MBNL3: variants seen among roughly 807,000 people sequenced by gnomAD.
MBNL3 encodes the protein muscleblind like splicing regulator 3, also known as muscleblind-like protein 3.
MBNL3 carries 6 observed loss-of-function variants against 24.5 expected under a neutral mutation model. The ratio of observed to expected loss-of-function variants is 0.25; its 90% CI spans 0.13 to 0.48. The LOEUF (loss-of-function observed/expected upper bound fraction) is 0.48, where lower values mean the gene tolerates loss of function less well. Ranked by LOEUF, MBNL3 falls within the 20% of genes least tolerant of loss-of-function variation. The pLI is 0.99. For missense variants in MBNL3, 230 were observed against 293.5 expected (o/e 0.78, Z 1.58); for synonymous variants, 100 against 101.7 (o/e 0.98, Z 0.10).
chrX:132,479,481 TA>T (rs1157006419), intron 1 of MBNL3, among the ~76,000 whole-genome samples: 1 of 112,220 alleles, frequency 8.9e-6, no homozygotes, highest in Non-Finnish European at 1.9e-5. Context: ...TTGAAATATA[TA>T]TTTTTTTGTT....
rs1603098932 is a variant in MBNL3, at chrX:132,392,230, T to G, written c.447A>C (p.Pro149=). 8.3e-7 allele frequency: 1 copy of G among 1,208,576 alleles called. No individual in the cohort carries two copies. Among genetic ancestry groups the G allele is most frequent in the East Asian group, 3.0e-5 (1 of 33,736 alleles). The change falls in exon 4 of 9, where the codon CCA becomes CCC. Residue 149 remains proline, a synonymous_variant. Transcript: ENST00000370853. ...TTCCAGGAATCAGAACAGGTGTATT[T>G]GGTACAAGTTCTGCAGGAACGAGGC... is the stretch of plus-strand genomic sequence containing the variant. ...GMGLVPAELV[P]NTPVLIPGNP... is the part of the protein sequence containing the mutation.
chrX:132,407,505 A>G (rs1377479408), intron 2 of MBNL3, among the ~76,000 whole-genome samples: 1 of 112,495 alleles, frequency 8.9e-6, no homozygotes, highest in Non-Finnish European at 1.9e-5. Flanking sequence ...AGTTTTATGT[A>G]CTTTTATATT....
At chrX:132,386,526 A>G in intron 6 of MBNL3, 135 bp downstream of exon 6, 1 of 701,988 alleles carries the variant, frequency 1.4e-6, no homozygotes, top group Non-Finnish European at 2.0e-6. Context: ...GCAGATAAGC[A>G]TAACTTCCTT....
intron 3 of MBNL3, among the ~76,000 whole-genome samples, chrX:132,400,948 A>G (rs952650548): frequency 5.4e-5 from 6 of 111,994 alleles, no homozygotes; most frequent in Non-Finnish European, 9.4e-5. Context: ...TTTTGCAAAA[A>G]TCATTTACAA....
At chrX:132,393,371 T>TA (rs765283254) in intron 3 of MBNL3, among the ~76,000 whole-genome samples, 3,853 of 96,598 alleles carry the variant, frequency 0.04, 127 homozygotes, top group African/African-American at 0.1. Context: ...GAGTAACTTG[T>TA]AAAAAAAAAA....
rs1022666583 is a variant in MBNL3, at chrX:132,449,989, C to A, written c.-703-9675G>T. ...AATGCTGAATATTGCCCCCCCCCCCCCCCCGCCACTTCTGGCTTGTAGGGT... is the reference window on the plus strand; with the variant it reads ...AATGCTGAATATTGCCCCCCCCCCCACCCCGCCACTTCTGGCTTGTAGGGT... On this transcript the variant is annotated intron_variant, in intron 1 of 8. Coordinates refer to ENST00000370853, the MANE Select transcript of MBNL3 (RefSeq NM_001386889.1). Among the ~76,000 whole-genome samples, 23 of 75,959 alleles carry A rather than the reference C, an allele frequency of 3.0e-4. 1 individual carries two copies. The highest frequency in any genetic ancestry group is 2.6e-3 in the South Asian group (3 of 1,175). The allele number at this position is 75,959 out of a possible 115,157, so 66.0% of individuals were successfully genotyped here.
intron 1 of MBNL3, among the ~76,000 whole-genome samples, chrX:132,461,231 A>G (rs1202386520): frequency 9.0e-6 from 1 of 111,674 alleles, no homozygotes; most frequent in Non-Finnish European, 1.9e-5. Context: ...ATCTACAGGT[A>G]AAAGGTACAG....
chrX:132,473,256 T>C (rs1434244823), intron 1 of MBNL3, among the ~76,000 whole-genome samples: 1 of 112,028 alleles, frequency 8.9e-6, no homozygotes. Flanking sequence ...ATAATCTAAA[T>C]GTAAAGCCAT....
intron 2 of MBNL3, among the ~76,000 whole-genome samples, chrX:132,407,453 T>C (rs1356710411): frequency 8.9e-6 from 1 of 112,499 alleles, no homozygotes; most frequent in Non-Finnish European, 1.9e-5. Context: ...TCAATTTACA[T>C]TTAATTAAAT....
In MBNL3 at chrX:132,465,872, C is replaced by CT. The variant is rs201182501; in HGVS notation, c.-704+22978dup. 6.2e-3 allele frequency among the ~76,000 whole-genome samples: 696 copies of CT among 111,624 alleles called. 2 individuals carry two copies. Among genetic ancestry groups the CT allele is most frequent in the African/African-American group, 0.022 (664 of 30,716 alleles). On this transcript the variant is annotated intron_variant, in intron 1 of 8. Transcript: ENST00000370853. ...TGTTCTTTTACCTCACAAACAAACT[C>CT]TATGAGTTTGGAAGTATTTTCACTG...
At chrX:132,412,755 G>A (rs935888454) in intron 2 of MBNL3, among the ~76,000 whole-genome samples, 1 of 111,746 alleles carries the variant, frequency 8.9e-6, no homozygotes, top group Non-Finnish European at 1.9e-5. Context: ...ATCGAATACC[G>A]TACATCACTG....
intron 3 of MBNL3, among the ~76,000 whole-genome samples, chrX:132,399,502 AT>A (rs985170637): frequency 2.7e-5 from 3 of 110,621 alleles, no homozygotes; most frequent in Non-Finnish European, 3.8e-5. Context: ...ATAAAAAGTA[AT>A]TTTTTATACA....
intron 1 of MBNL3, among the ~76,000 whole-genome samples, chrX:132,483,679 T>C (rs764269984): frequency 2.7e-5 from 3 of 112,174 alleles, no homozygotes; most frequent in Admixed American, 9.4e-5. Flanking sequence ...TAAGGAGAAA[T>C]TGCAAGCGCT....
intron 3 of MBNL3, among the ~76,000 whole-genome samples, chrX:132,400,848 C>T (rs140067134): frequency 0.011 from 1,230 of 112,036 alleles, 10 homozygotes; most frequent in Non-Finnish European, 0.018. Flanking sequence ...AACCTCAATG[C>T]GGAAGTTCAC....
intron 1 of MBNL3, among the ~76,000 whole-genome samples, chrX:132,478,081 T>C (rs1947535416): frequency 8.9e-6 from 1 of 112,000 alleles, no homozygotes; most frequent in African/African-American, 3.2e-5. Flanking sequence ...CTTTAACTTA[T>C]ATTTAACTTA....
chrX:132,395,290 C>T (rs1200223417), intron 3 of MBNL3, among the ~76,000 whole-genome samples: 1 of 111,434 alleles, frequency 9.0e-6, no homozygotes, highest in Non-Finnish European at 1.9e-5. Context: ...CAACTTTAAT[C>T]CTGTCTCTAT....
At chrX:132,445,235 C>T (rs764127366) in intron 1 of MBNL3, among the ~76,000 whole-genome samples, 14 of 111,665 alleles carry the variant, frequency 1.3e-4, no homozygotes, top group Non-Finnish European at 2.4e-4. Context: ...ATATGACACA[C>T]CTGCCATACA....
chrX:132,439,030 A>G (rs1314403138), intron 2 of MBNL3, among the ~76,000 whole-genome samples: 1 of 110,599 alleles, frequency 9.0e-6, no homozygotes, highest in Non-Finnish European at 1.9e-5. Context: ...ATAATATGCT[A>G]TAATTCAGTG....
At chrX:132,397,020 C>A (rs1349159694) in intron 3 of MBNL3, among the ~76,000 whole-genome samples, 1 of 93,939 alleles carries the variant, frequency 1.1e-5, no homozygotes, top group Non-Finnish European at 2.1e-5. Flanking sequence ...TAGCAAGATT[C>A]CACAAATTGA....
Sources: allele counts gnomAD v4.1 joint callset (sites outside exome capture counted in the v4.1 genomes callset), GRCh38; gene constraint gnomAD v4.1.1; transcripts MANE v1.5; gene names NCBI Gene and HGNC (gene_info 2026-07-23, HGNC 2026-07-21).